The following CARF variants were observed in gnomAD, a reference collection of about 807,000 sequenced individuals.
The protein encoded by CARF is calcium responsive transcription factor, also known as calcium-responsive transcription factor.
In CARF, 57 loss-of-function variants were observed where a neutral mutation model predicts 82.0. The ratio of observed to expected loss-of-function variants is 0.70; its 90% CI spans 0.56 to 0.87. The LOEUF is 0.87. CARF is among the 40% of genes least tolerant of loss of function. The pLI is 0.00. For missense variants in CARF, 771 were observed against 855.8 expected (o/e 0.90, Z 1.24); for synonymous variants, 268 against 290.1 (o/e 0.92, Z 0.77).
chr2:202,920,197 C>G (rs1284985506), intron 2 of CARF, among the ~76,000 whole-genome samples: 2 of 151,442 alleles, frequency 1.3e-5, no homozygotes, highest in African/African-American at 4.9e-5. Flanking sequence ...CTCTGTCGCC[C>G]AGGCTGGAGT....
intron 10 of CARF, 48 bp downstream of exon 10, chr2:202,967,146 G>T: frequency 6.3e-7 from 1 of 1,587,514 alleles, no homozygotes; most frequent in South Asian, 1.1e-5. Flanking sequence ...ACTTATTTTT[G>T]AATAGCTAAT....
At position 202,966,991 on chromosome 2, in the gene CARF, G is replaced by A. The variant is rs770534364; in HGVS notation, c.846G>A (p.Val282=). The A allele has an allele frequency of 3.7e-6, 6 of 1,613,868 alleles. No homozygotes were observed. Among genetic ancestry groups the A allele is most frequent in the South Asian group, 1.1e-5 (1 of 91,068 alleles). Residue 282 remains valine (V), a synonymous_variant, in exon 10 of 17, where the codon GTG becomes GTA. Transcript: ENST00000438828. Reference sequence around the variant, plus strand: ...TTTGGCCCACAGGGAGTAGAGCTGTGGTAATGGAGTGTCAGTATGGGCCAA... The same window carrying A: ...TTTGGCCCACAGGGAGTAGAGCTGTAGTAATGGAGTGTCAGTATGGGCCAA... The part of the protein sequence containing the change: ...IPFVNAGSRA[V]VMECQYGPRR...
intron 3 of CARF, among the ~76,000 whole-genome samples, chr2:202,940,984 A>G (rs1292399237): frequency 6.6e-6 from 1 of 151,972 alleles, no homozygotes; most frequent in African/African-American, 2.4e-5. Context: ...TATTTGCCAT[A>G]TTGACACTAA....
rs748324472 is a variant in CARF at position 202,970,070 on chromosome 2, ATT to A, written c.1097+12_1097+13del. The A allele has an allele frequency of 1.3e-6, 2 of 1,550,146 alleles. No individual in the cohort carries two copies. The highest frequency in any genetic ancestry group is 1.7e-6 in the Non-Finnish European group (2 of 1,159,958). ...TGCTGGTGGTGTTCTTAGGTATGAC[ATT>A]TTTATAGTTCTTTTATTTTACAAAT... On this transcript the variant is annotated intron_variant, in intron 11 of 16. Coordinates refer to ENST00000438828, the MANE Select transcript of CARF (RefSeq NM_024744.17).
intron 3 of CARF, among the ~76,000 whole-genome samples, chr2:202,941,152 G>A (rs2105799373): frequency 6.6e-6 from 1 of 151,912 alleles, no homozygotes; most frequent in Admixed American, 6.6e-5. Flanking sequence ...TGGAATTTTT[G>A]CAATTGATTT....
chr2:202,977,852 CT>C (rs1195668291), intron 14 of CARF, among the ~76,000 whole-genome samples: 1 of 151,964 alleles, frequency 6.6e-6, no homozygotes, highest in Non-Finnish European at 1.5e-5. Flanking sequence ...CTCTGAATTT[CT>C]TTTTTTGTTT....
chr2:202,933,205 T>C (rs1271477246), intron 3 of CARF, among the ~76,000 whole-genome samples: 1 of 152,096 alleles, frequency 6.6e-6, no homozygotes, highest in African/African-American at 2.4e-5. Flanking sequence ...ATAAGAGCTG[T>C]TTGCAGCTCA....
intron 5 of CARF, among the ~76,000 whole-genome samples, chr2:202,949,498 A>T (rs547990021): frequency 6.8e-6 from 1 of 147,272 alleles, no homozygotes; most frequent in Non-Finnish European, 1.5e-5. Context: ...TTTTTTCAAT[A>T]TGACTTTTTG....
At chr2:202,976,904 C>G (rs192383444) in intron 13 of CARF, among the ~76,000 whole-genome samples, 65 of 151,364 alleles carry the variant, frequency 4.3e-4, no homozygotes, top group African/African-American at 1.5e-3. Context: ...GAGACTGAGT[C>G]TCACTTTGTT....
intron 5 of CARF, among the ~76,000 whole-genome samples, chr2:202,950,047 T>C (rs2058686854): frequency 6.6e-6 from 1 of 152,222 alleles, no homozygotes; most frequent in Non-Finnish European, 1.5e-5. Context: ...AAATAGAATG[T>C]GTTGTAGCAC....
intron 14 of CARF, among the ~76,000 whole-genome samples, chr2:202,977,905 G>T (rs1456068006): frequency 1.3e-5 from 2 of 152,260 alleles, no homozygotes; most frequent in African/African-American, 4.8e-5. Context: ...GAGTGCAGTG[G>T]TGCGTTCTCG....
intron 8 of CARF, 30 bp from the exon 9 acceptor site, chr2:202,961,207 G>A: frequency 6.4e-7 from 1 of 1,567,186 alleles, no homozygotes; most frequent in Middle Eastern, 1.7e-4. Context: ...TGTATTGCTA[G>A]TAATTTTGTT....
intron 9 of CARF, among the ~76,000 whole-genome samples, chr2:202,964,977 TA>T (rs2059490870): frequency 6.6e-6 from 1 of 151,808 alleles, no homozygotes; most frequent in South Asian, 2.1e-4. Context: ...TGTAATGTTA[TA>T]AAATGTTCAG....
intron 3 of CARF, among the ~76,000 whole-genome samples, chr2:202,938,723 A>G (rs1044796253): frequency 6.6e-6 from 1 of 150,554 alleles, no homozygotes; most frequent in African/African-American, 2.4e-5. Context: ...TGGATCATAT[A>G]CAATTGTTTA....
In CARF at chr2:202,952,655, C is replaced by T. The variant is rs766672093; in HGVS notation, c.403C>T (p.Leu135Phe). 4.3e-6 allele frequency: 7 copies of T among 1,613,448 alleles called. No individual in the cohort carries two copies. Among genetic ancestry groups the T allele is most frequent in the Non-Finnish European group, 5.9e-6 (7 of 1,179,838 alleles). ...ACAAGTGATTATACCTCAGGGGCAACTTGTGGATGTGAATAGTCCTCGGGG... is the reference window on the plus strand; with the variant it reads ...ACAAGTGATTATACCTCAGGGGCAATTTGTGGATGTGAATAGTCCTCGGGG... Reference protein sequence around the residue: ...MAQVIIPQGQLVDVNSPRDVP... With the variant: ...MAQVIIPQGQFVDVNSPRDVP... Residue 135 changes from leucine to phenylalanine, a missense_variant, in exon 6 of 17, where the codon CTT becomes TTT. Coordinates refer to ENST00000438828, the MANE Select transcript of CARF (RefSeq NM_024744.17).
intron 3 of CARF, among the ~76,000 whole-genome samples, chr2:202,935,666 C>T (rs185341390): frequency 7.2e-4 from 109 of 152,156 alleles, no homozygotes; most frequent in African/African-American, 2.0e-3. Flanking sequence ...TTCCGGTGAT[C>T]CACCCACCTC....
chr2:202,961,321 A>G lies in CARF; in HGVS notation c.727A>G (p.Ser243Gly). The G allele has an allele frequency of 6.2e-7, 1 of 1,613,836 alleles. No homozygotes were observed. Among genetic ancestry groups the G allele is most frequent in the Non-Finnish European group, 8.5e-7 (1 of 1,179,724 alleles). The change falls in exon 9 of 17, where the codon AGT (serine) becomes GGT (glycine). Residue 243 changes from serine (S) to glycine (G), a missense_variant. By Grantham distance (56) the Ser-to-Gly change is moderately conservative (BLOSUM62 0). Coordinates refer to ENST00000438828, the MANE Select transcript of CARF (RefSeq NM_024744.17). ...VLTFHKQQTQ[S>G]VWGTRQSPSP... is the part of the protein sequence containing the mutation. Reference sequence around the variant, plus strand: ...AACATTTCACAAGCAGCAAACACAGAGTGTTTGGGGGACCCGTCAGTCTCC... The same window carrying G: ...AACATTTCACAAGCAGCAAACACAGGGTGTTTGGGGGACCCGTCAGTCTCC...
At chr2:202,917,210 CAAAAA>C (rs71034203) in intron 1 of CARF, among the ~76,000 whole-genome samples, 5 of 47,004 alleles carry the variant, frequency 1.1e-4, no homozygotes, top group African/African-American at 3.1e-4. Context: ...GACTCCGTCT[CAAAAA>C]AAAAAAAAAA....
chr2:202,975,826 C>T (rs1462427632), intron 13 of CARF, among the ~76,000 whole-genome samples: 1 of 152,038 alleles, frequency 6.6e-6, no homozygotes, highest in Non-Finnish European at 1.5e-5. Context: ...AAGTGGATCA[C>T]CTGAGATCAG....
Sources: gnomAD v4.1 joint callset for allele counts (sites outside exome capture counted in the v4.1 genomes callset) on GRCh38, gnomAD v4.1.1 for gene constraint, MANE v1.5 for transcripts, NCBI Gene and HGNC (gene_info 2026-07-23, HGNC 2026-07-21) for gene names.